The following ASXL1 variants were observed in gnomAD, a reference collection of about 807,000 sequenced individuals.
The protein encoded by ASXL1 is ASXL transcriptional regulator 1, also known as polycomb group protein ASXL1.
ASXL1 carries 65 observed loss-of-function variants against 89.1 expected under a neutral mutation model. The observed-to-expected ratio is 0.73, with a 90% confidence interval of 0.60 to 0.90. The LOEUF (loss-of-function observed/expected upper bound fraction) is 0.90. ASXL1 is among the 40% of genes least tolerant of loss of function. ASXL1 has a pLI of 0.00. For synonymous variants in ASXL1, 739 were observed against 746.9 expected (o/e 0.99, Z 0.17); for missense variants, 1,786 against 1,942.9 (o/e 0.92, Z 1.52).
chr20:32,397,399 C>CT (rs1199602381), intron 4 of ASXL1, among the ~76,000 whole-genome samples: 26,701 of 96,592 alleles, frequency 0.28, 6,422 homozygotes, highest in Non-Finnish European at 0.41. Flanking sequence ...CACTCCTGGC[C>CT]TTTTTTTTTT....
intron 4 of ASXL1, among the ~76,000 whole-genome samples, chr20:32,374,434 G>A (rs1011142506): frequency 6.6e-6 from 1 of 152,022 alleles, no homozygotes; most frequent in Non-Finnish European, 1.5e-5. Context: ...TGGGACCACA[G>A]GCATGCACCA....
In ASXL1 at chr20:32,428,407, C is replaced by T; in HGVS notation, c.456C>T (p.Tyr152=). ...CTCTTTCCAATCCCAGGGACAGCTA[C>T]AGAGCTTCCTCACAGGTAAGGAAGA... ...SRPLSNPRDS[Y]RASSQANKQK... The change falls in exon 6 of 13, where the codon TAC becomes TAT. Residue 152 remains tyrosine (Y), a synonymous_variant. Coordinates refer to ENST00000375687, the MANE Select transcript of ASXL1 (RefSeq NM_015338.6). 1 of 1,613,232 alleles carries T rather than the reference C, an allele frequency of 6.2e-7. No individual in the cohort carries two copies. The highest frequency in any genetic ancestry group is 8.5e-7 in the Non-Finnish European group (1 of 1,179,338).
intron 4 of ASXL1, among the ~76,000 whole-genome samples, chr20:32,398,066 A>C (rs922669362): frequency 3.3e-5 from 5 of 152,222 alleles, no homozygotes; most frequent in Admixed American, 3.3e-4. Context: ...AAACACTGTT[A>C]TAAAGTTATT....
intron 4 of ASXL1, among the ~76,000 whole-genome samples, chr20:32,416,479 C>T (rs1439749777): frequency 6.6e-6 from 1 of 152,208 alleles, no homozygotes; most frequent in Non-Finnish European, 1.5e-5. Flanking sequence ...CGTGCATCCT[C>T]CTATTCATAT....
chr20:32,418,886 G>T (rs1262586844), intron 4 of ASXL1, among the ~76,000 whole-genome samples: 1 of 116,650 alleles, frequency 8.6e-6, no homozygotes, highest in Non-Finnish European at 1.6e-5. Flanking sequence ...AGGCTGGAAT[G>T]CAGTGGCACA....
chr20:32,421,333 A>G (rs2123164455), intron 4 of ASXL1, among the ~76,000 whole-genome samples: 1 of 152,256 alleles, frequency 6.6e-6, no homozygotes, highest in South Asian at 2.1e-4. Context: ...ACTCTGAATT[A>G]AAATTAAAAC....
intron 10 of ASXL1, 29 bp from the exon 11 acceptor site, chr20:32,432,851 C>T (rs1306010608): frequency 6.2e-7 from 1 of 1,612,124 alleles, no homozygotes; most frequent in African/African-American, 1.3e-5. Context: ...CCCGAATGCA[C>T]TTACTAGAAG....
chr20:32,359,520 A>G, intron 1 of ASXL1: 1 of 646,356 alleles, frequency 1.5e-6, no homozygotes, highest in Non-Finnish European at 2.8e-6. Flanking sequence ...CCAGCTTCCC[A>G]GGTGATTCAA....
At chr20:32,367,758 AT>A in intron 3 of ASXL1, 29 bp downstream of exon 3, 1 of 780,800 alleles carries the variant, frequency 1.3e-6, no homozygotes, top group Non-Finnish European at 2.4e-6. Flanking sequence ...GACATATGGA[AT>A]TGAGAACCTT....
intron 4 of ASXL1, among the ~76,000 whole-genome samples, chr20:32,400,089 T>G (rs2123048356): frequency 1.2e-5 from 1 of 83,036 alleles, no homozygotes; most frequent in Non-Finnish European, 2.6e-5. Flanking sequence ...ATCGTTAGAA[T>G]TTTGATTTGG....
intron 4 of ASXL1, among the ~76,000 whole-genome samples, chr20:32,381,504 T>C (rs1370420692): frequency 1.3e-5 from 2 of 150,952 alleles, no homozygotes; most frequent in Non-Finnish European, 2.9e-5. Context: ...TCCAGCCTCT[T>C]ACCAAAATCT....
In ASXL1 at chr20:32,436,536, C is replaced by T; in HGVS notation, c.3824C>T (p.Ser1275Leu). 1 of 1,614,234 alleles carries T rather than the reference C, an allele frequency of 6.2e-7. No individual in the cohort carries two copies. Among genetic ancestry groups the T allele is most frequent in the Non-Finnish European group, 8.5e-7 (1 of 1,180,042 alleles). ...DLTTSRTPRF[S>L]SPNVISFGPE... ...ACTACCTCGAGAACACCTCGTTTCT[C>T]ATCTCCAAATGTGATCTCCTTTGGT... The change falls in exon 13 of 13, where the codon TCA (serine) becomes TTA (leucine). Residue 1275 changes from serine (S) to leucine (L), a missense_variant. Around this residue, in one of 3 missense-constraint regions of ASXL1, gnomAD observed 1,418 missense variants for 1,427.8 expected, o/e 0.99. Coordinates refer to ENST00000375687, the MANE Select transcript of ASXL1 (RefSeq NM_015338.6).
At chr20:32,399,757 T>A (rs1300019229) in intron 4 of ASXL1, among the ~76,000 whole-genome samples, 4 of 112,792 alleles carry the variant, frequency 3.5e-5, no homozygotes, top group Non-Finnish European at 6.0e-5. Context: ...CTTTTTTTTT[T>A]TTTTTTTTTT....
Position 32,434,935 on chromosome 20 carries a change from TG to T in ASXL1, c.2226del (p.Leu743Ter). 6.2e-7 allele frequency: 1 copy of T among 1,614,178 alleles called. No homozygotes were observed. Among genetic ancestry groups the T allele is most frequent in the Non-Finnish European group, 8.5e-7 (1 of 1,180,024 alleles). On this transcript the variant is annotated frameshift_variant, in exon 13 of 13. Coordinates refer to ENST00000375687, the MANE Select transcript of ASXL1 (RefSeq NM_015338.6). LOFTEE classifies it low-confidence loss of function (END_TRUNC). ...AGAGGGCTACAGTTGGACTCACAGATGGGCTAGGAGATGCCTCCCAACTCCC... is the reference window on the plus strand; with the variant it reads ...AGAGGGCTACAGTTGGACTCACAGATGGCTAGGAGATGCCTCCCAACTCCC... ...LQRATVGLTD[G>X]LGDASQLPVA...
chr20:32,386,634 T>C (rs1056865905), intron 4 of ASXL1, among the ~76,000 whole-genome samples: 22 of 152,060 alleles, frequency 1.4e-4, no homozygotes, highest in Non-Finnish European at 2.9e-5. Flanking sequence ...ACCAGGCTGG[T>C]CTCAAGCTCC....
chr20:32,393,632 C>T (rs578131121), intron 4 of ASXL1, among the ~76,000 whole-genome samples: 13 of 151,434 alleles, frequency 8.6e-5, no homozygotes, highest in African/African-American at 1.7e-4. Context: ...ACACCACACC[C>T]GGCTAATTTT....
chr20:32,424,171 C>T (rs1348208617), intron 4 of ASXL1, among the ~76,000 whole-genome samples: 1 of 152,076 alleles, frequency 6.6e-6, no homozygotes, highest in Non-Finnish European at 1.5e-5. Context: ...TTTTCTTGAT[C>T]ACAGAAAACA....
At chr20:32,408,200 C>T (rs1390405791) in intron 4 of ASXL1, among the ~76,000 whole-genome samples, 1 of 152,168 alleles carries the variant, frequency 6.6e-6, no homozygotes, top group Admixed American at 6.5e-5. Context: ...CCCAAAGTTG[C>T]TGGGATTACA....
At chr20:32,391,526 C>T (rs2048670132) in intron 4 of ASXL1, among the ~76,000 whole-genome samples, 1 of 152,096 alleles carries the variant, frequency 6.6e-6, no homozygotes, top group African/African-American at 2.4e-5. Context: ...ACTCTCTTGC[C>T]CAGGCTGGAG....
Sources: gnomAD v4.1 joint callset for allele counts (sites outside exome capture counted in the v4.1 genomes callset) on GRCh38, gnomAD v4.1.1 for gene constraint, gnomAD v4.1.1 regional missense constraint, MANE v1.5 for transcripts, NCBI Gene and HGNC (gene_info 2026-07-23, HGNC 2026-07-21) for gene names.